The following FBXO43 variants were observed in gnomAD, a reference collection of about 807,000 sequenced individuals.
FBXO43 encodes F-box protein 43.
Under a neutral mutation model 56.7 loss-of-function variants are expected in FBXO43, and 22 were observed. That is an observed-to-expected ratio of 0.39 (90% confidence interval 0.28 to 0.55). The LOEUF is 0.55. FBXO43 is among the 20% of genes least tolerant of loss of function. The pLI is 0.66. For missense variants in FBXO43, 733 were observed against 814.9 expected, an observed-to-expected ratio of 0.90 and a Z score of 1.22; for synonymous variants, 306 against 294.5, an observed-to-expected ratio of 1.04 and a Z score of -0.40.
chr8:100,142,306 A>C, intron 1 of FBXO43, 138 bp from the exon 2 acceptor site: 1 of 799,778 alleles, frequency 1.3e-6, no homozygotes, highest in Non-Finnish European at 1.8e-6. Context: ...TTAAAAAAAC[A>C]ATTCTACCCC....
At position 100,133,954 on chromosome 8, in the gene FBXO43, T is replaced by C. The variant is rs749242774; in HGVS notation, c.1975A>G (p.Ser659Gly). ...YQPYKKRGLC[S>G]RTACGFDFCV... The stretch of plus-strand genomic sequence containing the variant: ...AAGTCAAAACCACAGGCTGTTCGGC[T>C]ACACAGTCCCCTTTTCTTATATGGC... The change falls in exon 5 of 5, where the codon AGC (serine) becomes GGC (glycine). Residue 659 changes from serine to glycine, a missense_variant. Physicochemically the swap from Ser to Gly is moderately conservative, Grantham distance 56. Coordinates refer to ENST00000428847, the MANE Select transcript of FBXO43 (RefSeq NM_001029860.4). 2 of 1,614,070 alleles carry C rather than the reference T, an allele frequency of 1.2e-6. No homozygotes were observed. Among genetic ancestry groups the C allele is most frequent in the Non-Finnish European group, 1.7e-6 (2 of 1,180,040 alleles).
At chr8:100,137,450 G>A in intron 3 of FBXO43, 115 bp downstream of exon 3, 1 of 658,618 alleles carries the variant, frequency 1.5e-6, no homozygotes, top group Non-Finnish European at 2.6e-6. Flanking sequence ...ATGAGTGAAT[G>A]TTTGTTAAAT....
chr8:100,150,355 T>C (rs1361969318), upstream of FBXO43, among the ~76,000 whole-genome samples: 1 of 152,236 alleles, frequency 6.6e-6, no homozygotes, highest in African/African-American at 2.4e-5. Context: ...TCGGTTTTTC[T>C]TCTAACCCTC....
Position 100,133,988 on chromosome 8 carries a change from A to C in FBXO43, c.1941T>G (p.Ala647=), listed in dbSNP as rs1186263994. The change falls in exon 5 of 5, where the codon GCT becomes GCG. Residue 647 remains alanine, a synonymous_variant. Transcript: ENST00000428847. ...CCCTTTTCTTATATGGCTGGTACTT[A>C]GCAGGGGACTGGCACCTTGGGCAAG... ...LKPCPRCQSP[A]KYQPYKKRGL... is the part of the protein sequence containing the mutation. 1 of 1,614,236 alleles carries C rather than the reference A, an allele frequency of 6.2e-7. No individual in the cohort carries two copies. The highest frequency in any genetic ancestry group is 1.1e-5 in the South Asian group (1 of 91,088).
At chr8:100,139,093 C>T (rs1814561481) in intron 2 of FBXO43, among the ~76,000 whole-genome samples, 2 of 152,240 alleles carry the variant, frequency 1.3e-5, no homozygotes, top group African/African-American at 2.4e-5. Context: ...TCAGAGGGCT[C>T]ATTATAGACC....
At chr8:100,137,726 G>T in intron 2 of FBXO43, 59 bp from the exon 3 acceptor site, 2 of 1,244,742 alleles carry the variant, frequency 1.6e-6, no homozygotes, top group Non-Finnish European at 2.3e-6. Flanking sequence ...ACATTTTGTT[G>T]TATACGCTAA....
At chr8:100,146,850 T>G (rs1297032801), upstream of FBXO43, among the ~76,000 whole-genome samples, 2 of 152,152 alleles carry the variant, frequency 1.3e-5, no homozygotes, top group Non-Finnish European at 2.9e-5. Context: ...AAAACCAAAC[T>G]CACTAAAATT....
Position 100,141,859 on chromosome 8 carries a change from C to T in FBXO43, c.395G>A (p.Arg132Lys), listed in dbSNP as rs1178971818. 1 of 1,590,176 alleles carries T rather than the reference C, an allele frequency of 6.3e-7. No homozygotes were observed. The highest frequency in any genetic ancestry group is 8.5e-7 in the Non-Finnish European group (1 of 1,173,526). The part of the protein sequence containing the change: ...PTQKKKCILP[R>K]KEKDKTPELC... ...TTCTGGGGTTTTATCCTTTTCCTTTCTAGGCAAGATACATTTCTTTTTTTG... is the reference window on the plus strand; with the variant it reads ...TTCTGGGGTTTTATCCTTTTCCTTTTTAGGCAAGATACATTTCTTTTTTTG... The change falls in exon 2 of 5, where the codon AGA becomes AAA. Residue 132 changes from arginine (R) to lysine (K), a missense_variant. Arg to Lys is a conservative substitution (Grantham distance 26). Coordinates refer to ENST00000428847, the MANE Select transcript of FBXO43 (RefSeq NM_001029860.4).
At chr8:100,144,669 C>A (rs1207440642) in intron 1 of FBXO43, among the ~76,000 whole-genome samples, 1 of 150,154 alleles carries the variant, frequency 6.7e-6, no homozygotes, top group Admixed American at 6.6e-5. Context: ...CGGTGGCTCA[C>A]GCCCGTAATC....
upstream of FBXO43, among the ~76,000 whole-genome samples, chr8:100,146,761 A>G (rs1174261729): frequency 6.6e-6 from 1 of 152,092 alleles, no homozygotes; most frequent in Non-Finnish European, 1.5e-5. Flanking sequence ...TTCAACCATC[A>G]CTTTTAAGCC....
Position 100,135,951 on chromosome 8 carries a change from A to G in FBXO43, c.1675-1587T>C, listed in dbSNP as rs558278018. Among the ~76,000 whole-genome samples, 4 of 151,754 alleles carry G rather than the reference A, an allele frequency of 2.6e-5. No individual in the cohort carries two copies. The South Asian group carries it at 8.3e-4, about 31-fold the overall frequency. Reference sequence around the variant, plus strand: ...TCTTTTTTTTTTTTTTGAGAATAGAACATTTCATTATTTGGAGTTACATGG... The same window carrying G: ...TCTTTTTTTTTTTTTTGAGAATAGAGCATTTCATTATTTGGAGTTACATGG... On this transcript the variant is annotated intron_variant, in intron 3 of 4. Coordinates refer to ENST00000428847, the MANE Select transcript of FBXO43 (RefSeq NM_001029860.4).
chr8:100,150,261 T>C (rs1026269076), upstream of FBXO43, among the ~76,000 whole-genome samples: 19 of 152,222 alleles, frequency 1.2e-4, no homozygotes, highest in African/African-American at 1.2e-4. Context: ...AAAGTGTTTT[T>C]CTACGTGAAA....
chr8:100,143,802 C>T (rs1315942981), intron 1 of FBXO43, among the ~76,000 whole-genome samples: 4 of 152,150 alleles, frequency 2.6e-5, no homozygotes, highest in Non-Finnish European at 1.5e-5. Context: ...GACGGAGTCT[C>T]GCTTTTTCGC....
intron 4 of FBXO43, 29 bp downstream of exon 4, chr8:100,134,132 T>G (rs1416569243): frequency 6.2e-7 from 1 of 1,602,866 alleles, no homozygotes; most frequent in Non-Finnish European, 8.5e-7. Flanking sequence ...TATTTATTTC[T>G]AATAACTTAT....
In FBXO43 at chr8:100,133,649, G is replaced by A; in HGVS notation, c.*153C>T. ...AAAATTTTTTCAAAACAACTTTAAAGAAAACATACAATGACATCGATTATA... is the reference window on the plus strand; with the variant it reads ...AAAATTTTTTCAAAACAACTTTAAAAAAAACATACAATGACATCGATTATA... On this transcript the variant is annotated 3_prime_UTR_variant, in exon 5 of 5. Transcript: ENST00000428847. 1 of 884,580 alleles carries A rather than the reference G, an allele frequency of 1.1e-6. No individual in the cohort carries two copies. Among genetic ancestry groups the A allele is most frequent in the Non-Finnish European group, 1.6e-6 (1 of 634,384 alleles). 54.8% of individuals were successfully genotyped at this position (884,580 alleles called of 1,614,324 possible).
intron 1 of FBXO43, among the ~76,000 whole-genome samples, chr8:100,143,380 C>G (rs945642725): frequency 1.9e-4 from 29 of 152,144 alleles, no homozygotes; most frequent in African/African-American, 6.0e-4. Context: ...ATCTTTGTTA[C>G]AAAAGCAAAT....
In FBXO43 at chr8:100,140,700, G is replaced by C. The variant is rs199780921; in HGVS notation, c.1554C>G (p.Thr518=). Residue 518 remains threonine (T), a synonymous_variant, in exon 2 of 5, where the codon ACC becomes ACG. Coordinates refer to ENST00000428847, the MANE Select transcript of FBXO43 (RefSeq NM_001029860.4). ...CTTCTTACCTGCATAGGCTCTCTGC[G>C]GTCAAGGACTCTAAAACCATAGCAA... is the stretch of plus-strand genomic sequence containing the variant. ...HILAMVLESL[T]AESLCSVWKV... The C allele has an allele frequency of 1.7e-4, 271 of 1,596,552 alleles. No individual in the cohort carries two copies. Among genetic ancestry groups the C allele is most frequent in the Middle Eastern group, 1.7e-4 (1 of 5,952 alleles).
At chr8:100,137,461 G>T in intron 3 of FBXO43, 104 bp downstream of exon 3, 1 of 701,476 alleles carries the variant, frequency 1.4e-6, no homozygotes, top group Non-Finnish European at 2.4e-6. Flanking sequence ...TTTGTTAAAT[G>T]GAAAAGGTTA....
chr8:100,141,086 G>T lies in FBXO43; in HGVS notation c.1168C>A (p.Gln390Lys), dbSNP rs377736433. 5.3e-5 allele frequency: 86 copies of T among 1,614,054 alleles called. No homozygotes were observed. The highest frequency in any genetic ancestry group is 6.9e-5 in the Non-Finnish European group (82 of 1,180,044). The change falls in exon 2 of 5, where the codon CAA becomes AAA. Residue 390 changes from glutamine to lysine, a missense_variant. By Grantham distance (53) the Gln-to-Lys change is moderately conservative (BLOSUM62 1). Coordinates refer to ENST00000428847, the MANE Select transcript of FBXO43 (RefSeq NM_001029860.4). ...RSRRLSTLRE[Q>K]SSQSETEEEK... ...TCTTCTGTCTCTGACTGCGAGCTTT[G>T]TTCCCGAAGGGTGGACAGTCTTCTC...
Sources: gnomAD v4.1 joint callset for allele counts (sites outside exome capture counted in the v4.1 genomes callset) on GRCh38, gnomAD v4.1.1 for gene constraint, MANE v1.5 for transcripts, NCBI Gene and HGNC (gene_info 2026-07-23, HGNC 2026-07-21) for gene names.